Variants in ATRNL1 observed in about 807,000 individuals in gnomAD.
ATRNL1 encodes attractin like 1.
A neutral mutation model predicts 182.7 loss-of-function variants in ATRNL1; 95 were observed. The observed-to-expected ratio is 0.52, with a 90% CI of 0.44 to 0.62. The LOEUF is 0.62. ATRNL1 is among the 20% of genes least tolerant of loss of function. The probability of loss-of-function intolerance (pLI) is 0.00; values close to 1 mark genes in which losing one functional copy is unlikely to be tolerated. For synonymous variants in ATRNL1, 576 were observed against 568.3 expected (o/e 1.01, Z -0.19); for missense variants, 1,471 against 1,679.5 (o/e 0.88, Z 2.17).
chr10:115,346,238 T>A (rs1260973664), intron 19 of ATRNL1, among the ~76,000 whole-genome samples: 6 of 152,194 alleles, frequency 3.9e-5, no homozygotes, highest in African/African-American at 1.4e-4. Context: ...TGAAACTCTA[T>A]AACCATTAAA....
chr10:115,303,978 T>G (rs1335408775), intron 17 of ATRNL1, among the ~76,000 whole-genome samples: 18 of 152,218 alleles, frequency 1.2e-4, no homozygotes, highest in Non-Finnish European at 2.4e-4. Flanking sequence ...TCTAATTCCT[T>G]TCTCCTAACA....
At chr10:115,168,170 T>C (rs1467827064) in intron 7 of ATRNL1, among the ~76,000 whole-genome samples, 2 of 152,212 alleles carry the variant, frequency 1.3e-5, no homozygotes, top group African/African-American at 4.8e-5. Flanking sequence ...TCTTCATTCC[T>C]TTTTATGGCT....
chr10:115,666,715 A>C (rs1014598824), intron 26 of ATRNL1, among the ~76,000 whole-genome samples: 2 of 152,252 alleles, frequency 1.3e-5, no homozygotes, highest in East Asian at 1.9e-4. Flanking sequence ...CATCATATCA[A>C]ATCCTCAGTA....
chr10:115,876,250 G>A (rs1178993723), intron 28 of ATRNL1, among the ~76,000 whole-genome samples: 1 of 146,658 alleles, frequency 6.8e-6, no homozygotes, highest in Non-Finnish European at 1.5e-5. Flanking sequence ...CCCTTTCTCA[G>A]CTTTAATTTT....
intron 24 of ATRNL1, among the ~76,000 whole-genome samples, chr10:115,500,920 C>T (rs1310995461): frequency 4.4e-4 from 24 of 54,446 alleles, no homozygotes; most frequent in Admixed American, 1.1e-3. Flanking sequence ...TCAGGTAAGA[C>T]TTTTTTTTTT....
At chr10:115,325,421 G>A (rs1032999333) in intron 18 of ATRNL1, among the ~76,000 whole-genome samples, 2 of 152,156 alleles carry the variant, frequency 1.3e-5, no homozygotes, top group Non-Finnish European at 2.9e-5. Flanking sequence ...ATTTGATACA[G>A]CCATTATGCC....
chr10:115,817,367 G>A (rs1950189169), intron 27 of ATRNL1, among the ~76,000 whole-genome samples: 1 of 151,954 alleles, frequency 6.6e-6, no homozygotes, highest in Non-Finnish European at 1.5e-5. Context: ...ATTTCATGAG[G>A]CTAAATTATC....
intron 26 of ATRNL1, among the ~76,000 whole-genome samples, chr10:115,679,552 A>T (rs1945981388): frequency 6.6e-6 from 1 of 152,072 alleles, no homozygotes; most frequent in South Asian, 2.1e-4. Context: ...TTCTGCAGAA[A>T]GGTTGTTTTC....
intron 26 of ATRNL1, among the ~76,000 whole-genome samples, chr10:115,644,679 G>A (rs1859485309): frequency 6.6e-6 from 1 of 152,076 alleles, no homozygotes; most frequent in South Asian, 2.1e-4. Flanking sequence ...GTAATAAAAG[G>A]ATATACAATT....
intron 27 of ATRNL1, among the ~76,000 whole-genome samples, chr10:115,752,279 A>T (rs2134123194): frequency 6.6e-6 from 1 of 152,046 alleles, no homozygotes; most frequent in South Asian, 2.1e-4. Flanking sequence ...CAAAAGAGAG[A>T]TTTAAAGGGA....
intron 26 of ATRNL1, among the ~76,000 whole-genome samples, chr10:115,566,228 C>T (rs1467365456): frequency 3.3e-5 from 5 of 151,996 alleles, no homozygotes; most frequent in African/African-American, 4.8e-5. Flanking sequence ...AGTCATTGCA[C>T]CTGGGCAAGA....
intron 26 of ATRNL1, among the ~76,000 whole-genome samples, chr10:115,643,678 G>T (rs1436864455): frequency 6.6e-6 from 1 of 152,050 alleles, no homozygotes; most frequent in Non-Finnish European, 1.5e-5. Flanking sequence ...TGACCAATAA[G>T]AATATGATGA....
intron 26 of ATRNL1, among the ~76,000 whole-genome samples, chr10:115,696,870 C>CGAGA (rs138252590): frequency 0.028 from 3,793 of 133,938 alleles, 74 homozygotes; most frequent in African/African-American, 0.052. Flanking sequence ...CATATCAGAG[C>CGAGA]GAGAGAGAGA....
At chr10:115,225,962 C>T (rs1849677822) in intron 9 of ATRNL1, among the ~76,000 whole-genome samples, 2 of 150,946 alleles carry the variant, frequency 1.3e-5, no homozygotes, top group South Asian at 4.2e-4. Flanking sequence ...TTTAGAAGAA[C>T]AAAGCTGGAG....
chr10:115,473,919 C>T (rs1189240464), intron 24 of ATRNL1, among the ~76,000 whole-genome samples: 1 of 151,250 alleles, frequency 6.6e-6, no homozygotes, highest in Non-Finnish European at 1.5e-5. Context: ...GTTGTAATGT[C>T]TCCTTATACA....
At chr10:115,492,611 A>C (rs1471442761) in intron 24 of ATRNL1, among the ~76,000 whole-genome samples, 1 of 139,672 alleles carries the variant, frequency 7.2e-6, no homozygotes, top group African/African-American at 2.6e-5. Flanking sequence ...ATTATAATTC[A>C]TTTCTTTTAA....
At chr10:115,666,740 TTGG>T (rs1387357578) in intron 26 of ATRNL1, among the ~76,000 whole-genome samples, 1 of 152,112 alleles carries the variant, frequency 6.6e-6, no homozygotes, top group Non-Finnish European at 1.5e-5. Flanking sequence ...CAGTAAATAC[TTGG>T]TATTTAACCT....
intron 27 of ATRNL1, among the ~76,000 whole-genome samples, chr10:115,738,160 A>G (rs1948029380): frequency 7.4e-5 from 2 of 27,156 alleles, no homozygotes; most frequent in African/African-American, 1.0e-4. Context: ...TTTTTTTGAG[A>G]TGGAGTCCTG....
chr10:115,195,597 A>C (rs1554890852), intron 8 of ATRNL1, among the ~76,000 whole-genome samples: 1 of 152,050 alleles, frequency 6.6e-6, no homozygotes, highest in Admixed American at 6.6e-5. Flanking sequence ...TACTCAAATA[A>C]GTATTTGAGT....
Sources: allele counts gnomAD v4.1 joint callset (sites outside exome capture counted in the v4.1 genomes callset), GRCh38; gene constraint gnomAD v4.1.1; transcripts MANE v1.5; gene names NCBI Gene and HGNC (gene_info 2026-07-23, HGNC 2026-07-21).